HTR1E: variants seen among roughly 807,000 people sequenced by gnomAD.
HTR1E encodes 5-HT-1E.
A neutral mutation model predicts 3.4 loss-of-function variants in HTR1E; 3 were observed. The observed-to-expected ratio is 0.89, with a 90% CI of 0.41 to 2.31. HTR1E has a LOEUF of 2.31. HTR1E is among the 30% of genes most tolerant of loss of function. The pLI is 0.05. For missense variants in HTR1E, 392 were observed against 467.0 expected (o/e 0.84, Z 1.48); for synonymous variants, 170 against 182.8 (o/e 0.93, Z 0.56).
intron 1 of HTR1E, among the ~76,000 whole-genome samples, chr6:86,973,959 T>G (rs1767595164): frequency 6.6e-6 from 1 of 152,198 alleles, no homozygotes; most frequent in African/African-American, 2.4e-5. Flanking sequence ...ACACGGCCCA[T>G]GTGTATTCTC....
intron 1 of HTR1E, among the ~76,000 whole-genome samples, chr6:86,955,077 A>G (rs1183152106): frequency 6.6e-6 from 1 of 152,144 alleles, no homozygotes; most frequent in Admixed American, 6.5e-5. Flanking sequence ...TACACTTCCC[A>G]GAGGTTCAGC....
intron 1 of HTR1E, among the ~76,000 whole-genome samples, chr6:86,961,742 G>C (rs1202179914): frequency 6.6e-6 from 1 of 152,160 alleles, no homozygotes; most frequent in Non-Finnish European, 1.5e-5. Context: ...CTTGGTTTTT[G>C]TAATGCACAC....
intron 1 of HTR1E, among the ~76,000 whole-genome samples, chr6:86,986,408 T>C (rs1196163603): frequency 1.3e-5 from 2 of 152,206 alleles, no homozygotes; most frequent in Non-Finnish European, 2.9e-5. Context: ...AGAGCTAAGA[T>C]TGAAATTAGA....
intron 1 of HTR1E, among the ~76,000 whole-genome samples, chr6:87,000,734 C>G (rs536501852): frequency 6.6e-6 from 1 of 152,324 alleles, no homozygotes; most frequent in African/African-American, 2.4e-5. Context: ...CAGACCTGTC[C>G]TGCAAGAAAT....
chr6:86,971,767 T>C (rs748121862), intron 1 of HTR1E, among the ~76,000 whole-genome samples: 2 of 152,214 alleles, frequency 1.3e-5, no homozygotes, highest in Non-Finnish European at 2.9e-5. Flanking sequence ...TATTGCATGA[T>C]GCTGAGATTT....
chr6:86,959,013 T>C (rs1007262204), intron 1 of HTR1E, among the ~76,000 whole-genome samples: 2 of 150,344 alleles, frequency 1.3e-5, no homozygotes, highest in Non-Finnish European at 3.0e-5. Flanking sequence ...TGTTAAGAAA[T>C]TGGCTCACAC....
intron 1 of HTR1E, among the ~76,000 whole-genome samples, chr6:86,960,293 C>A (rs529599240): frequency 6.6e-6 from 1 of 152,198 alleles, no homozygotes; most frequent in East Asian, 1.9e-4. Context: ...GGCGGAAGTG[C>A]AGAAAAGAGC....
chr6:86,989,024 T>C (rs1022551174), intron 1 of HTR1E, among the ~76,000 whole-genome samples: 2 of 152,218 alleles, frequency 1.3e-5, no homozygotes, highest in East Asian at 1.9e-4. Context: ...GACATTTTTA[T>C]TGGGCATTAA....
chr6:86,981,682 G>T (rs1767713553), intron 1 of HTR1E, among the ~76,000 whole-genome samples: 1 of 152,142 alleles, frequency 6.6e-6, no homozygotes, highest in Admixed American at 6.5e-5. Context: ...TAAATAATTA[G>T]CTACGTATTT....
At chr6:86,983,769 A>C (rs1024902839) in intron 1 of HTR1E, among the ~76,000 whole-genome samples, 2 of 152,180 alleles carry the variant, frequency 1.3e-5, no homozygotes, top group African/African-American at 4.8e-5. Context: ...AAAACATCAC[A>C]TGTACCCCAT....
intron 1 of HTR1E, among the ~76,000 whole-genome samples, chr6:86,954,919 G>A (rs975659099): frequency 6.6e-6 from 1 of 152,136 alleles, no homozygotes; most frequent in Non-Finnish European, 1.5e-5. Context: ...CCTCTAATGA[G>A]AGAAATATTC....
intron 1 of HTR1E, among the ~76,000 whole-genome samples, chr6:86,949,916 C>T (rs1215420001): frequency 6.6e-6 from 1 of 152,086 alleles, no homozygotes; most frequent in Non-Finnish European, 1.5e-5. Flanking sequence ...AGTAGGCTCC[C>T]GTTACCTAAC....
intron 1 of HTR1E, among the ~76,000 whole-genome samples, chr6:87,006,922 G>T (rs555450028): frequency 6.6e-6 from 1 of 152,116 alleles, no homozygotes; most frequent in Non-Finnish European, 1.5e-5. Context: ...GGGCCTGCGG[G>T]GGGAGTGGAA....
chr6:86,952,842 T>C (rs1199259839), intron 1 of HTR1E, among the ~76,000 whole-genome samples: 1 of 152,138 alleles, frequency 6.6e-6, no homozygotes, highest in Non-Finnish European at 1.5e-5. Context: ...CAAAAAATGA[T>C]TACAAGAAGC....
chr6:86,957,355 A>T (rs1767340966), intron 1 of HTR1E, among the ~76,000 whole-genome samples: 1 of 152,254 alleles, frequency 6.6e-6, no homozygotes, highest in South Asian at 2.1e-4. Flanking sequence ...AACCTTTTAA[A>T]AAGGCAATAA....
intron 1 of HTR1E, among the ~76,000 whole-genome samples, chr6:86,939,574 T>C (rs1768518140): frequency 6.6e-6 from 1 of 152,224 alleles, no homozygotes; most frequent in Non-Finnish European, 1.5e-5. Context: ...TCATTAGGTA[T>C]ATGCATGTTC....
At chr6:86,952,231 A>AC (rs1365946914) in intron 1 of HTR1E, among the ~76,000 whole-genome samples, 1 of 152,102 alleles carries the variant, frequency 6.6e-6, no homozygotes, top group Non-Finnish European at 1.5e-5. Flanking sequence ...ATAGCTCCTT[A>AC]GTTTCAATTT....
chr6:86,991,086 G>T (rs552466653), intron 1 of HTR1E, among the ~76,000 whole-genome samples: 33 of 152,020 alleles, frequency 2.2e-4, no homozygotes, highest in Non-Finnish European at 4.1e-4. Context: ...AAACATGAGG[G>T]AAAACATCAG....
intron 1 of HTR1E, among the ~76,000 whole-genome samples, chr6:86,997,164 A>G (rs1398239938): frequency 6.6e-6 from 1 of 151,964 alleles, no homozygotes; most frequent in Admixed American, 6.6e-5. Context: ...AAAAAGATTC[A>G]CATAAAAGTA....
Sources: allele counts gnomAD v4.1 joint callset (sites outside exome capture counted in the v4.1 genomes callset), GRCh38; gene constraint gnomAD v4.1.1; transcripts MANE v1.5; gene names NCBI Gene and HGNC (gene_info 2026-07-23, HGNC 2026-07-21).